ANXA4: variants seen among roughly 807,000 people sequenced by gnomAD.
ANXA4 encodes annexin A4.
A neutral mutation model predicts 49.8 loss-of-function variants in ANXA4; 39 were observed. The observed-to-expected ratio is 0.78, with a 90% CI of 0.61 to 1.02. The LOEUF (loss-of-function observed/expected upper bound fraction) is 1.02, where lower values mean the gene tolerates loss of function less well. Among genes scored for constraint, ANXA4 ranks in the 50% least tolerant of loss-of-function variants. The pLI is 0.00. For synonymous variants in ANXA4, 134 were observed against 152.5 expected, an observed-to-expected ratio of 0.88 and a Z score of 0.89; for missense variants, 360 against 410.1, an observed-to-expected ratio of 0.88 and a Z score of 1.05.
upstream of ANXA4, among the ~76,000 whole-genome samples, chr2:69,740,861 T>TG (rs1427460488): frequency 1.4e-5 from 2 of 140,774 alleles, no homozygotes; most frequent in African/African-American, 5.9e-5. Context: ...ATATGTTTTT[T>TG]TTTTTTTTTT....
chr2:69,735,770 T>C (rs1270704201), intron 3 of ANXA4, among the ~76,000 whole-genome samples: 1 of 152,106 alleles, frequency 6.6e-6, no homozygotes, highest in Non-Finnish European at 1.5e-5. Flanking sequence ...ACAATCACAA[T>C]CATTTATTAT....
chr2:69,660,166 A>G (rs1203982321), intron 2 of ANXA4, among the ~76,000 whole-genome samples: 1 of 152,254 alleles, frequency 6.6e-6, no homozygotes, highest in African/African-American at 2.4e-5. Context: ...GTTAGAAAAA[A>G]GAATTTCTGC....
intron 9 of ANXA4, 160 bp downstream of exon 9, chr2:69,816,354 T>G (rs935023597): frequency 5.5e-6 from 3 of 549,062 alleles, no homozygotes; most frequent in Non-Finnish European, 9.8e-6. Flanking sequence ...AGTCCAATGA[T>G]GTATATGAAA....
chr2:69,657,981 A>G (rs1676567563), intron 2 of ANXA4, among the ~76,000 whole-genome samples: 1 of 152,126 alleles, frequency 6.6e-6, no homozygotes. Context: ...CTTTAATACT[A>G]TTACTTTTTT....
chr2:69,776,324 A>G (rs983161259), intron 1 of ANXA4, among the ~76,000 whole-genome samples: 1 of 152,078 alleles, frequency 6.6e-6, no homozygotes, highest in Non-Finnish European at 1.5e-5. Flanking sequence ...TCTCATGACC[A>G]TGTGGCCACC....
At chr2:69,795,525 A>G (rs13431370) in intron 3 of ANXA4, among the ~76,000 whole-genome samples, 5,304 of 152,228 alleles carry the variant, frequency 0.035, 300 homozygotes, top group African/African-American at 0.12. Context: ...GGACTGTTAC[A>G]GGGTCTGAGG....
rs375023879 is a variant in ANXA4, at chr2:69,686,049, C to G, written n.766+32767C>G. Among the ~76,000 whole-genome samples the G allele has an allele frequency of 4.1e-4, 63 of 152,230 alleles. No individual in the cohort carries two copies. The South Asian group carries it at 0.012, about 30-fold the overall frequency. Reference sequence around the variant, plus strand: ...CAAGAGGAGAGATAATAATTAAACACAGTAAAATTACTAGGAAGTAGTATT... The same window carrying G: ...CAAGAGGAGAGATAATAATTAAACAGAGTAAAATTACTAGGAAGTAGTATT... On this transcript the variant is annotated intron_variant and non_coding_transcript_variant, in intron 2 of 3. Transcript: ENST00000418066.
At chr2:69,700,599 G>A (rs573257550) in intron 2 of ANXA4, among the ~76,000 whole-genome samples, 6 of 152,230 alleles carry the variant, frequency 3.9e-5, no homozygotes, top group South Asian at 2.1e-4. Context: ...CACATGGGTC[G>A]TACAGTACAC....
intron 12 of ANXA4, 146 bp from the exon 13 acceptor site, chr2:69,825,308 TAA>T: frequency 1.5e-6 from 1 of 653,252 alleles, no homozygotes; most frequent in South Asian, 2.0e-5. Flanking sequence ...CTACACTGAA[TAA>T]GTATTACCTT....
chr2:69,822,494 A>T (rs1674283675), intron 12 of ANXA4, among the ~76,000 whole-genome samples: 2 of 152,380 alleles, frequency 1.3e-5, no homozygotes, highest in South Asian at 4.1e-4. Flanking sequence ...CAATAGGCAC[A>T]AGGTGGAAAC....
intron 3 of ANXA4, among the ~76,000 whole-genome samples, chr2:69,726,898 A>G (rs1234690990): frequency 6.6e-6 from 1 of 152,138 alleles, no homozygotes; most frequent in Non-Finnish European, 1.5e-5. Context: ...GCAAATATAT[A>G]TATATACAGG....
chr2:69,753,023 G>T (rs1473113503), intron 1 of ANXA4, among the ~76,000 whole-genome samples: 1 of 152,136 alleles, frequency 6.6e-6, no homozygotes, highest in Non-Finnish European at 1.5e-5. Context: ...TCACGTGAGA[G>T]CTCTTTTAAT....
intron 9 of ANXA4, chr2:69,816,606 A>C (rs146490182): frequency 8.1e-4 from 129 of 159,810 alleles, no homozygotes; most frequent in African/African-American, 2.7e-3. Context: ...AGCTAATACA[A>C]GTGATTTCTT....
intron 3 of ANXA4, among the ~76,000 whole-genome samples, chr2:69,721,137 T>C (rs1005886680): frequency 2.0e-5 from 3 of 152,266 alleles, no homozygotes; most frequent in African/African-American, 7.2e-5. Flanking sequence ...GCTTCACATG[T>C]GGCATGGACT....
At chr2:69,787,137 T>C (rs1672450742) in intron 2 of ANXA4, among the ~76,000 whole-genome samples, 1 of 152,222 alleles carries the variant, frequency 6.6e-6, no homozygotes, top group African/African-American at 2.4e-5. Context: ...AAACCTCTTT[T>C]AAAAATGAAA....
At chr2:69,730,107 A>C (rs191503019) in intron 3 of ANXA4, among the ~76,000 whole-genome samples, 1 of 152,320 alleles carries the variant, frequency 6.6e-6, no homozygotes, top group Non-Finnish European at 1.5e-5. Flanking sequence ...TGGGAGGCCA[A>C]GGCGGGAGGA....
intron 2 of ANXA4, among the ~76,000 whole-genome samples, chr2:69,696,746 A>G (rs1485421612): frequency 6.6e-6 from 1 of 152,226 alleles, no homozygotes; most frequent in Non-Finnish European, 1.5e-5. Flanking sequence ...AACAACATTC[A>G]GCTCCTTGTA....
intron 2 of ANXA4, among the ~76,000 whole-genome samples, chr2:69,712,225 AAAAT>A (rs2105409074): frequency 6.6e-6 from 1 of 152,208 alleles, no homozygotes; most frequent in Admixed American, 6.6e-5. Flanking sequence ...CCCTCACACT[AAAAT>A]AAAACAACCA....
intron 2 of ANXA4, among the ~76,000 whole-genome samples, chr2:69,662,343 G>A (rs1174520793): frequency 2.0e-5 from 3 of 152,110 alleles, no homozygotes; most frequent in African/African-American, 4.8e-5. Context: ...ACGCTTGGAA[G>A]CTGTTGAACA....
Sources: gnomAD v4.1 joint callset for allele counts (sites outside exome capture counted in the v4.1 genomes callset) on GRCh38, gnomAD v4.1.1 for gene constraint, MANE v1.5 for transcripts, NCBI Gene and HGNC (gene_info 2026-07-23, HGNC 2026-07-21) for gene names.